Variants in TRNT1 observed in about 807,000 individuals in gnomAD.
TRNT1 encodes tRNA nucleotidyl transferase 1.
Under a neutral mutation model 45.6 loss-of-function variants are expected in TRNT1, and 44 were observed. The observed-to-expected ratio is 0.97, with a 90% CI of 0.76 to 1.24. The LOEUF is 1.24. TRNT1 is among the 50% of genes most tolerant of loss of function. TRNT1 has a pLI of 0.00. For synonymous variants in TRNT1, 201 were observed against 171.4 expected, an observed-to-expected ratio of 1.17 and a Z score of -1.35; for missense variants, 633 against 504.4, an observed-to-expected ratio of 1.25 and a Z score of -2.44.
intron 2 of TRNT1, among the ~76,000 whole-genome samples, chr3:3,135,799 A>G (rs930689694): frequency 1.3e-5 from 2 of 152,108 alleles, no homozygotes; most frequent in Admixed American, 6.5e-5. Context: ...CTGCTAGCCA[A>G]AGACCAACAG....
At chr3:3,144,876 G>A in intron 5 of TRNT1, 166 bp downstream of exon 5, 2 of 467,568 alleles carry the variant, frequency 4.3e-6, no homozygotes, top group Non-Finnish European at 6.7e-6. Context: ...AAATTACTTA[G>A]CTACTTCATA....
Position 3,147,905 on chromosome 3 carries a change from G to C in TRNT1, c.1057-1G>C. ...ACTAAATGTTTGATTTTGACACGTA[G>C]TCTAGGGAACCTGATGCAACTACTC... On this transcript the variant is annotated splice_acceptor_variant, in intron 7 of 7. Transcript: ENST00000251607. LOFTEE classifies it high-confidence loss of function. The C allele has an allele frequency of 6.2e-7, 1 of 1,609,314 alleles. No individual in the cohort carries two copies. The highest frequency in any genetic ancestry group is 8.5e-7 in the Non-Finnish European group (1 of 1,177,428).
At chr3:3,130,831 A>G (rs1704974475) in intron 2 of TRNT1, among the ~76,000 whole-genome samples, 1 of 152,150 alleles carries the variant, frequency 6.6e-6, no homozygotes, top group African/African-American at 2.4e-5. Context: ...CTGTAATCCC[A>G]GCACTTTTGA....
At chr3:3,149,337 C>CTATTTCTGTATAGAAAGTATG, downstream of TRNT1, 1 of 152,196 alleles carries the variant, frequency 6.6e-6, no homozygotes, top group East Asian at 1.9e-4. Flanking sequence ...ATAATACATA[C>CTATTTCTGTATAGAAAGTATG]TATTTCTGTA....
chr3:3,140,192 T>G (rs1705558925), intron 3 of TRNT1, among the ~76,000 whole-genome samples: 1 of 152,254 alleles, frequency 6.6e-6, no homozygotes, highest in Non-Finnish European at 1.5e-5. Context: ...TAGCTTGATT[T>G]GAAATTGAAG....
downstream of TRNT1, chr3:3,152,521 A>G: frequency 3.1e-6 from 5 of 1,614,090 alleles, no homozygotes; most frequent in South Asian, 2.2e-5. Context: ...CCTTATACAC[A>G]GTAAGTGTCT....
At chr3:3,145,468 A>C (rs1705942439) in intron 5 of TRNT1, 2 of 144,648 alleles carry the variant, frequency 1.4e-5, no homozygotes, top group Non-Finnish European at 1.5e-5. Context: ...GTGCCACCGC[A>C]CTCCAGCCTG....
intron 5 of TRNT1, 76 bp downstream of exon 5, chr3:3,144,786 C>T (rs1705881808): frequency 1.5e-6 from 2 of 1,350,554 alleles, no homozygotes; most frequent in Middle Eastern, 2.8e-4. Context: ...ACGAAACCCA[C>T]AGCAGGTCAG....
At chr3:3,140,878 C>T (rs1350778622) in intron 4 of TRNT1, 11 of 394,248 alleles carry the variant, frequency 2.8e-5, no homozygotes, top group Non-Finnish European at 4.2e-5. Context: ...GTCAGGAGAT[C>T]GAGACCATCC....
intron 3 of TRNT1, among the ~76,000 whole-genome samples, chr3:3,139,170 C>T (rs569867604): frequency 7.9e-5 from 12 of 152,226 alleles, no homozygotes; most frequent in African/African-American, 2.6e-4. Flanking sequence ...TTGGTTGAAC[C>T]TTTCTAGAGA....
intron 3 of TRNT1, among the ~76,000 whole-genome samples, chr3:3,138,054 A>T (rs1157947301): frequency 6.6e-6 from 1 of 152,196 alleles, no homozygotes; most frequent in Non-Finnish European, 1.5e-5. Flanking sequence ...ATCAAGTTTC[A>T]ATTGGGTTTT....
chr3:3,134,929 G>A lies in TRNT1; in HGVS notation c.149-2331G>A, dbSNP rs556959404. On this transcript the variant is annotated intron_variant, in intron 2 of 7. Transcript: ENST00000251607. ...CTTCAGGTGAGGCTTCCTAAAGTGA[G>A]TCACAACAGATAAGTAAGAGTGAGC... Among the ~76,000 whole-genome samples, 4 of 152,238 alleles carry A rather than the reference G, an allele frequency of 2.6e-5. No homozygotes were observed. The South Asian group carries it at 8.3e-4, about 31-fold the overall frequency.
chr3:3,136,731 C>T (rs534396253), intron 2 of TRNT1: 258 of 403,478 alleles, frequency 6.4e-4, no homozygotes, highest in African/African-American at 4.8e-3. Context: ...CATAGCTCAC[C>T]GCAGCCTTGA....
intron 3 of TRNT1, 99 bp downstream of exon 3, chr3:3,137,552 A>AATT (rs779497719): frequency 8.4e-5 from 89 of 1,058,832 alleles, no homozygotes; most frequent in Admixed American, 7.6e-4. Context: ...AGTCTAATAA[A>AATT]AAAGTCAGTC....
Position 3,147,726 on chromosome 3 carries a change from C to A in TRNT1, c.1056+23C>A. On this transcript the variant is annotated intron_variant, in intron 7 of 7. Transcript: ENST00000251607. ...GATGTAAGTATATACTAGGCTTGGT[C>A]AGAAATATGAAGTATCGTCACGAAT... 1.9e-6 allele frequency: 3 copies of A among 1,577,362 alleles called. No individual in the cohort carries two copies. In the South Asian group the frequency reaches 3.5e-5, roughly 19 times the overall value.
intron 2 of TRNT1, 107 bp downstream of exon 2, chr3:3,129,295 AT>A: frequency 1.8e-6 from 2 of 1,087,768 alleles, no homozygotes; most frequent in Non-Finnish European, 1.3e-6. Flanking sequence ...TGTTTTAATT[AT>A]TTTTATTAAA....
chr3:3,152,619 C>T, downstream of TRNT1: 1 of 1,613,508 alleles, frequency 6.2e-7, no homozygotes. Context: ...GAGAACACGT[C>T]AAAACGAGAA....
intron 4 of TRNT1, among the ~76,000 whole-genome samples, chr3:3,141,922 T>C (rs1227710807): frequency 6.6e-6 from 1 of 152,202 alleles, no homozygotes; most frequent in South Asian, 2.1e-4. Flanking sequence ...CATTAAACTC[T>C]CAGAAAAACT....
rs114125968 is a variant in TRNT1, at chr3:3,139,647, G to A, written c.343-863G>A. 1.2e-3 allele frequency among the ~76,000 whole-genome samples: 186 copies of A among 152,250 alleles called. 1 individual carries two copies. Among genetic ancestry groups the A allele is most frequent in the Middle Eastern group, 6.8e-3 (2 of 294 alleles). ...TGCTTTTTCAAGGCTTGGCACAGAC[G>A]CCACCCTAACATGAAGTTACTCAGC... On this transcript the variant is annotated intron_variant, in intron 3 of 7. Coordinates refer to ENST00000251607, the MANE Select transcript of TRNT1 (RefSeq NM_182916.3).
Sources: allele counts gnomAD v4.1 joint callset (sites outside exome capture counted in the v4.1 genomes callset), GRCh38; gene constraint gnomAD v4.1.1; transcripts MANE v1.5; gene names NCBI Gene and HGNC (gene_info 2026-07-23, HGNC 2026-07-21).